Variants in IL1RAPL2 observed in about 807,000 individuals in gnomAD.
The protein encoded by IL1RAPL2 is X-linked interleukin-1 receptor accessory protein-like 2.
In IL1RAPL2, 3 loss-of-function variants were observed where a neutral mutation model predicts 44.1. That is an observed-to-expected ratio of 0.07 (90% CI 0.03 to 0.18). IL1RAPL2 has a LOEUF of 0.18. IL1RAPL2 is among the 10% of genes least tolerant of loss of function. The pLI is 1.00. For synonymous variants in IL1RAPL2, 181 were observed against 178.8 expected, an observed-to-expected ratio of 1.01 and a Z score of -0.10; for missense variants, 391 against 496.4, an observed-to-expected ratio of 0.79 and a Z score of 2.02.
intron 6 of IL1RAPL2, among the ~76,000 whole-genome samples, chrX:105,689,076 G>A (rs1294701083): frequency 8.9e-6 from 1 of 111,892 alleles, no homozygotes; most frequent in African/African-American, 3.3e-5. Context: ...ATTAATTCAA[G>A]ATGGATTAAA....
chrX:105,367,576 A>T (rs1228083742), intron 5 of IL1RAPL2, among the ~76,000 whole-genome samples: 1 of 111,878 alleles, frequency 8.9e-6, no homozygotes, highest in Non-Finnish European at 1.9e-5. Context: ...TGTTATACTA[A>T]TAACAGAATA....
At chrX:105,103,290 T>C (rs2032693791) in intron 2 of IL1RAPL2, among the ~76,000 whole-genome samples, 1 of 111,745 alleles carries the variant, frequency 8.9e-6, no homozygotes, top group Non-Finnish European at 1.9e-5. Context: ...CTTTCTAAGA[T>C]AACTCTACTT....
rs768931333 is a variant in IL1RAPL2, at chrX:104,631,147, GT to G, written c.-19-27747del. On this transcript the variant is annotated intron_variant, in intron 1 of 10. Coordinates refer to ENST00000372582, the MANE Select transcript of IL1RAPL2 (RefSeq NM_017416.2). ...AATGATGGTTTCCAGTTTCATCCAT[GT>G]CCCTAGAAAGAACATGAACTCATCC... Among the ~76,000 whole-genome samples, 38 of 111,373 alleles carry G rather than the reference GT, an allele frequency of 3.4e-4. No individual in the cohort carries two copies. The South Asian group carries it at 5.0e-3, about 15-fold the overall frequency.
intron 6 of IL1RAPL2, among the ~76,000 whole-genome samples, chrX:105,657,330 A>G (rs2037683790): frequency 8.9e-6 from 1 of 112,205 alleles, no homozygotes; most frequent in Admixed American, 9.4e-5. Context: ...ATCAGTTGGT[A>G]TATCAAACTC....
chrX:105,760,941 G>A (rs926313143), intron 10 of IL1RAPL2, among the ~76,000 whole-genome samples: 1 of 110,861 alleles, frequency 9.0e-6, no homozygotes, highest in Non-Finnish European at 1.9e-5. Context: ...CACTTTGGGA[G>A]GCCGAGGCAG....
intron 4 of IL1RAPL2, among the ~76,000 whole-genome samples, chrX:105,263,381 A>G (rs2034375749): frequency 1.8e-5 from 2 of 111,575 alleles, no homozygotes. Flanking sequence ...TATTGAAATC[A>G]ATCTTCCTGA....
intron 2 of IL1RAPL2, among the ~76,000 whole-genome samples, chrX:105,141,065 T>G (rs1035241331): frequency 2.7e-5 from 3 of 112,081 alleles, no homozygotes; most frequent in Non-Finnish European, 5.6e-5. Context: ...ATGCCATTCT[T>G]TTTCATTAGT....
At chrX:104,603,183 A>G (rs1928923261) in intron 1 of IL1RAPL2, among the ~76,000 whole-genome samples, 1 of 111,383 alleles carries the variant, frequency 9.0e-6, no homozygotes, top group East Asian at 2.8e-4. Context: ...TACCCAGGAA[A>G]ACAGGATTGG....
At chrX:105,168,533 G>T (rs1168305881) in intron 2 of IL1RAPL2, among the ~76,000 whole-genome samples, 1 of 107,953 alleles carries the variant, frequency 9.3e-6, no homozygotes, top group Admixed American at 1.0e-4. Context: ...TAAAAGTATT[G>T]GCTCATAAGA....
chrX:104,733,421 A>T (rs1416097310), intron 2 of IL1RAPL2, among the ~76,000 whole-genome samples: 1 of 109,622 alleles, frequency 9.1e-6, no homozygotes, highest in African/African-American at 3.3e-5. Context: ...GTGAAACCCC[A>T]TCTCTACTAA....
At chrX:105,450,704 A>G (rs1008141992) in intron 5 of IL1RAPL2, among the ~76,000 whole-genome samples, 7 of 111,852 alleles carry the variant, frequency 6.3e-5, no homozygotes, top group Non-Finnish European at 1.3e-4. Flanking sequence ...AAGAAAATCA[A>G]CTTTGAGTAA....
At chrX:105,515,456 T>C (rs897980067) in intron 6 of IL1RAPL2, among the ~76,000 whole-genome samples, 1 of 111,165 alleles carries the variant, frequency 9.0e-6, no homozygotes, top group African/African-American at 3.3e-5. Flanking sequence ...AGGAGGAGGA[T>C]CAGTGAAGAT....
chrX:104,956,753 C>T (rs1025683302), intron 2 of IL1RAPL2, among the ~76,000 whole-genome samples: 10 of 111,357 alleles, frequency 9.0e-5, no homozygotes, highest in Non-Finnish European at 1.5e-4. Context: ...TTCTGGTGGC[C>T]AAGGGTTTGC....
chrX:104,593,755 C>T (rs1205508336), intron 1 of IL1RAPL2, among the ~76,000 whole-genome samples: 1 of 111,985 alleles, frequency 8.9e-6, no homozygotes. Context: ...TGCTGCTTTA[C>T]CTTTCCATGC....
At chrX:104,660,193 C>T (rs762283097) in intron 2 of IL1RAPL2, among the ~76,000 whole-genome samples, 1 of 111,358 alleles carries the variant, frequency 9.0e-6, no homozygotes, top group Non-Finnish European at 1.9e-5. Flanking sequence ...TATTATCTCT[C>T]CAGCTCAGCA....
chrX:104,940,304 AT>A (rs1228116528), intron 2 of IL1RAPL2, among the ~76,000 whole-genome samples: 2 of 111,761 alleles, frequency 1.8e-5, no homozygotes, highest in African/African-American at 6.5e-5. Flanking sequence ...GGTACATCAT[AT>A]AATAATATGG....
chrX:105,553,395 A>G lies in IL1RAPL2; in HGVS notation c.772+69008A>G, dbSNP rs184367662. ...CACTAGGACAACTAACACTGGGAAA[A>G]GGAGAAAGTAGCTAAAAGGAATTTT... On this transcript the variant is annotated intron_variant, in intron 6 of 10. Coordinates refer to ENST00000372582, the MANE Select transcript of IL1RAPL2 (RefSeq NM_017416.2). 1.8e-3 allele frequency among the ~76,000 whole-genome samples: 204 copies of G among 111,707 alleles called. 1 individual carries two copies. The highest frequency in any genetic ancestry group is 6.3e-3 in the African/African-American group (195 of 30,764).
At chrX:104,921,725 C>T (rs1381418562) in intron 2 of IL1RAPL2, among the ~76,000 whole-genome samples, 1 of 112,661 alleles carries the variant, frequency 8.9e-6, no homozygotes, top group Admixed American at 9.3e-5. Flanking sequence ...TTCAGGAGAC[C>T]GGGCCAGGAA....
chrX:104,872,985 A>T (rs1922805715), intron 2 of IL1RAPL2, among the ~76,000 whole-genome samples: 1 of 111,811 alleles, frequency 8.9e-6, no homozygotes. Flanking sequence ...ATAAAAGGTG[A>T]CTTCAAATTA....
Sources: allele counts gnomAD v4.1 joint callset (sites outside exome capture counted in the v4.1 genomes callset), GRCh38; gene constraint gnomAD v4.1.1; transcripts MANE v1.5; gene names NCBI Gene and HGNC (gene_info 2026-07-23, HGNC 2026-07-21).